The following ALOX12B variants were observed in gnomAD, a reference collection of about 807,000 sequenced individuals.
ALOX12B encodes the protein arachidonate 12-lipoxygenase, 12R type.
In ALOX12B, 47 loss-of-function variants were observed where a neutral mutation model predicts 78.9. The ratio of observed to expected loss-of-function variants is 0.60; its 90% CI spans 0.47 to 0.76. ALOX12B has a LOEUF of 0.76. Among genes scored for constraint, ALOX12B ranks in the 30% least tolerant of loss-of-function variants. The probability of loss-of-function intolerance (pLI) is 0.00; values close to 1 mark genes in which losing one functional copy is unlikely to be tolerated. For synonymous variants in ALOX12B, 370 were observed against 374.5 expected, an observed-to-expected ratio of 0.99 and a Z score of 0.14; for missense variants, 805 against 922.6, an observed-to-expected ratio of 0.87 and a Z score of 1.65.
At position 8,076,324 on chromosome 17, in the gene ALOX12B, T is replaced by C; in HGVS notation, c.1383A>G (p.Glu461=). 6.2e-7 allele frequency: 1 copy of C among 1,608,330 alleles called. No individual in the cohort carries two copies. Among genetic ancestry groups the C allele is most frequent in the Non-Finnish European group, 8.5e-7 (1 of 1,177,310 alleles). ...CCCGTACCATCACCCCAGCAAAGCC[T>C]TCCACGCCCAGGGACATGCCCTGTG... ...LSAKGMSLGV[E]GFAGVMVRAL... is the part of the protein sequence containing the mutation. Residue 461 remains glutamate (E), a synonymous_variant, in exon 11 of 15, where the codon GAA becomes GAG. Coordinates refer to ENST00000647874, the MANE Select transcript of ALOX12B (RefSeq NM_001139.3).
intron 12 of ALOX12B, among the ~76,000 whole-genome samples, chr17:8,075,213 C>T (rs1159175308): frequency 6.6e-6 from 1 of 152,130 alleles, no homozygotes; most frequent in Non-Finnish European, 1.5e-5. Flanking sequence ...GACCTCAGGG[C>T]GCTTTCACCC....
In ALOX12B at chr17:8,079,623, G is replaced by C. The variant is rs1469213002; in HGVS notation, c.928-84C>G. 5.9e-6 allele frequency: 9 copies of C among 1,535,638 alleles called. No individual in the cohort carries two copies. Among genetic ancestry groups the C allele is most frequent in the Non-Finnish European group, 7.0e-6 (8 of 1,137,246 alleles). ...CGCCGCAGGTGCACAGGGCGCTGGC[G>C]ACTAGGGGCAGGGGTGGGACGGGGA... On this transcript the variant is annotated intron_variant, in intron 7 of 14. Coordinates refer to ENST00000647874, the MANE Select transcript of ALOX12B (RefSeq NM_001139.3). The surrounding 1 kb of genome is among the most constrained non-coding windows in gnomAD (Gnocchi z 6.4).
chr17:8,074,869 C>T (rs1459458805), intron 12 of ALOX12B, among the ~76,000 whole-genome samples: 1 of 152,234 alleles, frequency 6.6e-6, no homozygotes, highest in Non-Finnish European at 1.5e-5. Context: ...CCATGCGGAA[C>T]TCTCCGTCCC....
Position 8,087,501 on chromosome 17 carries a change from C to T in ALOX12B, c.-59G>A, listed in dbSNP as rs1039799392. ...TCCCAGACACCGTGGAGGGGCCACA[C>T]GAAGGCCCAAGGCAGGCAAGAGAAG... is the stretch of plus-strand genomic sequence containing the variant. On this transcript the variant is annotated 5_prime_UTR_variant, in exon 1 of 15. It adds an upstream start codon to the 5' untranslated region. Transcript: ENST00000647874. The T allele has an allele frequency of 4.0e-5, 64 of 1,611,836 alleles. No individual in the cohort carries two copies. Among genetic ancestry groups the T allele is most frequent in the Non-Finnish European group, 5.1e-5 (60 of 1,179,824 alleles).
chr17:8,080,316 C>A lies in ALOX12B; in HGVS notation c.673G>T (p.Gly225Cys). ...CACGAATGTTTGCAGTCCAACAGGCCGCGGACTTTGAAAGCCAGTGCCCTA... is the reference window on the plus strand; with the variant it reads ...CACGAATGTTTGCAGTCCAACAGGCAGCGGACTTTGAAAGCCAGTGCCCTA... ...GPMALAFKVR[G>C]LLDCKHSWKR... Residue 225 changes from glycine to cysteine, a missense_variant, in exon 6 of 15, where the codon GGC becomes TGC. Coordinates refer to ENST00000647874, the MANE Select transcript of ALOX12B (RefSeq NM_001139.3). This position sits in a 1 kb window ranked among gnomAD's most constrained non-coding sequence, Gnocchi z 4.8. 1 of 1,614,184 alleles carries A rather than the reference C, an allele frequency of 6.2e-7. No homozygotes were observed. Among genetic ancestry groups the A allele is most frequent in the Non-Finnish European group, 8.5e-7 (1 of 1,180,040 alleles).
At chr17:8,073,399 T>A in intron 13 of ALOX12B, 81 bp from the exon 14 acceptor site, 1 of 1,565,104 alleles carries the variant, frequency 6.4e-7, no homozygotes, top group Non-Finnish European at 8.7e-7. Flanking sequence ...CCACCCGCCC[T>A]CCAGTCGCTG....
chr17:8,080,029 G>A lies in ALOX12B; in HGVS notation c.755-88C>T, dbSNP rs753666591. On this transcript the variant is annotated intron_variant, in intron 6 of 14. Coordinates refer to ENST00000647874, the MANE Select transcript of ALOX12B (RefSeq NM_001139.3). The surrounding 1 kb of genome is among the most constrained non-coding windows in gnomAD (Gnocchi z 4.8). Reference sequence around the variant, plus strand: ...GGGACAGAAGAAGACTATGGGCACCGAGAGGAGTCGGGGAGGAAAACGAGG... The same window carrying A: ...GGGACAGAAGAAGACTATGGGCACCAAGAGGAGTCGGGGAGGAAAACGAGG... The A allele has an allele frequency of 1.7e-5, 27 of 1,550,360 alleles. No individual in the cohort carries two copies. Among genetic ancestry groups the A allele is most frequent in the African/African-American group, 2.7e-5 (2 of 73,468 alleles).
intron 8 of ALOX12B, among the ~76,000 whole-genome samples, chr17:8,077,633 C>T (rs1038088081): frequency 6.6e-6 from 1 of 152,184 alleles, no homozygotes; most frequent in Non-Finnish European, 1.5e-5. Context: ...TCTGGCCCAT[C>T]CCCCCAGAGG....
chr17:8,087,170 G>A lies in ALOX12B; in HGVS notation c.147+126C>T. 5 of 1,380,696 alleles carry A rather than the reference G, an allele frequency of 3.6e-6. No homozygotes were observed. The South Asian group carries it at 6.1e-5, about 17-fold the overall frequency. The allele number at this position is 1,380,696 out of a possible 1,614,324, so 85.5% of individuals were successfully genotyped here. A position where few individuals can be genotyped will look rare whatever the true frequency, so the allele number is the denominator to read the frequency against. On this transcript the variant is annotated intron_variant, in intron 1 of 14. Transcript: ENST00000647874. ...CTCCTCGCCAAGCTCAGCTCACCTG[G>A]CTCCCCCTGCGCACCTTCACCCCTC...
rs1598180319 is a variant in ALOX12B at position 8,079,395 on chromosome 17, C to G, written c.1071+1G>C. 2 of 1,553,268 alleles carry G rather than the reference C, an allele frequency of 1.3e-6. No homozygotes were observed. Among genetic ancestry groups the G allele is most frequent in the Non-Finnish European group, 1.7e-6 (2 of 1,148,456 alleles). On this transcript the variant is annotated splice_donor_variant, in intron 8 of 14. Coordinates refer to ENST00000647874, the MANE Select transcript of ALOX12B (RefSeq NM_001139.3). LOFTEE classifies it high-confidence loss of function. This position sits in a 1 kb window ranked among gnomAD's most constrained non-coding sequence, Gnocchi z 6.4. ...GGCAGCGCCGCCTGCAGCCCAGGCA[C>G]CTGGATGGCGATGGGCATCATCTTG... is the stretch of plus-strand genomic sequence containing the variant.
intron 14 of ALOX12B, 97 bp from the exon 15 acceptor site, chr17:8,073,047 C>T: frequency 6.2e-7 from 1 of 1,600,316 alleles, no homozygotes; most frequent in Non-Finnish European, 8.5e-7. Context: ...TTTCAGTGGC[C>T]TCTCACTCCC....
At position 8,079,552 on chromosome 17, in the gene ALOX12B, C is replaced by T. The variant is rs995058599; in HGVS notation, c.928-13G>A. ...AAATGTTCCCCTTCTGGAGGGGAGC[C>T]GCGATGGGTGGCAAGTAGGCACCCA... On this transcript the variant is annotated splice_polypyrimidine_tract_variant and intron_variant, in intron 7 of 14. Coordinates refer to ENST00000647874, the MANE Select transcript of ALOX12B (RefSeq NM_001139.3). This position sits in a 1 kb window ranked among gnomAD's most constrained non-coding sequence, Gnocchi z 6.4. 6.5e-7 allele frequency: 1 copy of T among 1,549,852 alleles called. No individual in the cohort carries two copies. The highest frequency in any genetic ancestry group is 8.7e-7 in the Non-Finnish European group (1 of 1,146,584).
chr17:8,082,386 A>G (rs998424946), intron 2 of ALOX12B, among the ~76,000 whole-genome samples: 2 of 152,162 alleles, frequency 1.3e-5, no homozygotes, highest in Admixed American at 6.5e-5. Flanking sequence ...TCTGAGGAGG[A>G]AAGCGTTCTT....
intron 1 of ALOX12B, 47 bp from the exon 2 acceptor site, chr17:8,086,267 C>A (rs764416387): frequency 1.5e-5 from 24 of 1,591,450 alleles, no homozygotes; most frequent in Non-Finnish European, 2.1e-5. Context: ...TTCACCCCGG[C>A]TCCCAGGCCG....
Position 8,077,131 on chromosome 17 carries a change from C to A in ALOX12B, c.1134G>T (p.Trp378Cys). 6.2e-7 allele frequency: 1 copy of A among 1,613,818 alleles called. No homozygotes were observed. The highest frequency in any genetic ancestry group is 1.1e-5 in the South Asian group (1 of 91,074). Residue 378 changes from tryptophan (W) to cysteine (C), a missense_variant, in exon 9 of 15, where the codon TGG (tryptophan) becomes TGT (cysteine). Physicochemically the swap from Trp to Cys is radical, Grantham distance 215 (BLOSUM62 -2). Coordinates refer to ENST00000647874, the MANE Select transcript of ALOX12B (RefSeq NM_001139.3). ...AGCGTACCCACGTCTTGGCTAGCAGCCAGTCCCACTCAGAATCACTGGGCA... is the reference window on the plus strand; with the variant it reads ...AGCGTACCCACGTCTTGGCTAGCAGACAGTCCCACTCAGAATCACTGGGCA... Reference protein sequence around the residue: ...IFLPSDSEWDWLLAKTWVRYA... With the variant: ...IFLPSDSEWDCLLAKTWVRYA...
intron 12 of ALOX12B, 101 bp from the exon 13 acceptor site, chr17:8,073,858 G>A: frequency 1.1e-6 from 1 of 932,414 alleles, no homozygotes; most frequent in Non-Finnish European, 1.7e-6. Flanking sequence ...TTTTGCAAAA[G>A]CTTCAAGCTG....
Position 8,080,697 on chromosome 17 carries a change from A to C in ALOX12B, c.611T>G (p.Phe204Cys), listed in dbSNP as rs1977197111. 6.2e-7 allele frequency: 1 copy of C among 1,614,114 alleles called. No individual in the cohort carries two copies. Among genetic ancestry groups the C allele is most frequent in the South Asian group, 1.1e-5 (1 of 91,084 alleles). The change falls in exon 5 of 15, where the codon TTC becomes TGC. Residue 204 changes from phenylalanine to cysteine, a missense_variant. By Grantham distance (205) the Phe-to-Cys change is radical (BLOSUM62 -2). Coordinates refer to ENST00000647874, the MANE Select transcript of ALOX12B (RefSeq NM_001139.3). This position sits in a 1 kb window ranked among gnomAD's most constrained non-coding sequence, Gnocchi z 4.8. ...KFLNLNLRYS[F>C]LKTASFFVRL... ...GACGAAGAAGGAGGCCGTCTTGAGGAAGGAGTAGCGGAGATTTAAGTTCAG... is the reference window on the plus strand; with the variant it reads ...GACGAAGAAGGAGGCCGTCTTGAGGCAGGAGTAGCGGAGATTTAAGTTCAG...
At chr17:8,084,251 T>C (rs2151824388) in intron 2 of ALOX12B, among the ~76,000 whole-genome samples, 1 of 152,306 alleles carries the variant, frequency 6.6e-6, no homozygotes, top group South Asian at 2.1e-4. Context: ...CCCTGGCTGG[T>C]GGTCCCCAGG....
chr17:8,076,780 GA>G, intron 9 of ALOX12B, 37 bp from the exon 10 acceptor site: 1 of 1,540,900 alleles, frequency 6.5e-7, no homozygotes. Context: ...AGAGAGGGCT[GA>G]AGTGGCCCCC....
Sources: gnomAD v4.1 joint callset for allele counts (sites outside exome capture counted in the v4.1 genomes callset) on GRCh38, gnomAD v4.1.1 for gene constraint, Gnocchi (gnomAD v3.1) non-coding constraint, MANE v1.5 for transcripts, NCBI Gene and HGNC (gene_info 2026-07-23, HGNC 2026-07-21) for gene names.